ARB2A: variants seen among roughly 807,000 people sequenced by gnomAD.
The protein encoded by ARB2A is ARB2 cotranscriptional regulator A.
chr5:93,697,573 G>A, the ARB2A span, among the ~76,000 whole-genome samples: 37 of 151,658 alleles, frequency 2.4e-4, no homozygotes, highest in Non-Finnish European at 4.0e-4. Context: ...TATGATGCCC[G>A]CATAATGAAT....
chr5:93,938,495 T>C, the ARB2A span, among the ~76,000 whole-genome samples: 1 of 152,224 alleles, frequency 6.6e-6, no homozygotes, highest in African/African-American at 2.4e-5. Flanking sequence ...TATTGTTTAG[T>C]GCTTCCTACA....
chr5:94,017,567 A>G, the ARB2A span, among the ~76,000 whole-genome samples: 2 of 152,350 alleles, frequency 1.3e-5, no homozygotes, highest in South Asian at 2.1e-4. Flanking sequence ...CAAGAAACAC[A>G]TAAGTTTGCC....
chr5:93,763,090 A>T, the ARB2A span, among the ~76,000 whole-genome samples: 22 of 152,178 alleles, frequency 1.4e-4, no homozygotes, highest in African/African-American at 5.1e-4. Context: ...CACTGCAAAA[A>T]CATGCCAAAT....
chr5:93,650,106 A>G, the ARB2A span, among the ~76,000 whole-genome samples: 1 of 152,098 alleles, frequency 6.6e-6, no homozygotes, highest in Non-Finnish European at 1.5e-5. Flanking sequence ...AAAAATTGAA[A>G]TCACCAATAA....
At chr5:93,788,508 C>A in the ARB2A span, among the ~76,000 whole-genome samples, 1 of 152,202 alleles carries the variant, frequency 6.6e-6, no homozygotes, top group Admixed American at 6.5e-5. Context: ...AAATGATGTA[C>A]CTGCCTACTG....
the ARB2A span, among the ~76,000 whole-genome samples, chr5:93,765,616 C>T: frequency 3.3e-5 from 5 of 152,162 alleles, no homozygotes; most frequent in Admixed American, 1.3e-4. Context: ...AATGGCCATA[C>T]AGCCCAAGGT....
the ARB2A span, among the ~76,000 whole-genome samples, chr5:94,066,266 G>C: frequency 6.6e-6 from 1 of 151,790 alleles, no homozygotes; most frequent in Non-Finnish European, 1.5e-5. Flanking sequence ...ATAATCTAAG[G>C]ATGCACCTCA....
chr5:94,007,744 C>T, the ARB2A span, among the ~76,000 whole-genome samples: 61 of 148,578 alleles, frequency 4.1e-4, no homozygotes, highest in African/African-American at 1.5e-3. Flanking sequence ...CACTGCACTC[C>T]AGCCTGAGTG....
chr5:93,707,165 G>C, the ARB2A span, among the ~76,000 whole-genome samples: 1 of 152,128 alleles, frequency 6.6e-6, no homozygotes, highest in African/African-American at 2.4e-5. Context: ...TTCATTGGGA[G>C]GCTGAACAAG....
At chr5:94,088,984 G>C in the ARB2A span, among the ~76,000 whole-genome samples, 1 of 152,208 alleles carries the variant, frequency 6.6e-6, no homozygotes, top group Admixed American at 6.5e-5. Flanking sequence ...TCAACATGAT[G>C]TAAAAATGGA....
At chr5:94,102,842 G>A in the ARB2A span, among the ~76,000 whole-genome samples, 1 of 152,070 alleles carries the variant, frequency 6.6e-6, no homozygotes, top group Admixed American at 6.6e-5. Context: ...CTACAAGCCA[G>A]AAAAGACTGG....
chr5:93,743,628 A>T, the ARB2A span: 1 of 796,648 alleles, frequency 1.3e-6, no homozygotes, highest in Non-Finnish European at 1.5e-6. Context: ...AGAAAGCAAT[A>T]TATATGCTAA....
chr5:93,710,203 G>T, the ARB2A span, among the ~76,000 whole-genome samples: 2 of 152,186 alleles, frequency 1.3e-5, no homozygotes, highest in Non-Finnish European at 2.9e-5. Context: ...TAGCCTATGG[G>T]CCCGATATAA....
the ARB2A span, among the ~76,000 whole-genome samples, chr5:93,692,027 A>G: frequency 6.6e-6 from 1 of 152,228 alleles, no homozygotes; most frequent in Non-Finnish European, 1.5e-5. Flanking sequence ...TGAAGGAAGC[A>G]CTAAATATGG....
At chr5:93,772,453 T>G in the ARB2A span, among the ~76,000 whole-genome samples, 1 of 151,886 alleles carries the variant, frequency 6.6e-6, no homozygotes, top group Admixed American at 6.6e-5. Flanking sequence ...ACTTAAAGTA[T>G]AATAATAATA....
At chr5:93,994,989 T>C in the ARB2A span, among the ~76,000 whole-genome samples, 1 of 152,072 alleles carries the variant, frequency 6.6e-6, no homozygotes, top group Non-Finnish European at 1.5e-5. Context: ...ATTTTTATCA[T>C]TTACTACCAT....
At chr5:94,011,442 G>T in the ARB2A span, among the ~76,000 whole-genome samples, 3 of 152,052 alleles carry the variant, frequency 2.0e-5, no homozygotes, top group African/African-American at 4.8e-5. Context: ...AGGGATGTTT[G>T]TATGTTTTGT....
At chr5:93,637,354 GT>G in the ARB2A span, among the ~76,000 whole-genome samples, 388 of 116,090 alleles carry the variant, frequency 3.3e-3, 1 homozygote, top group African/African-American at 9.6e-3. Flanking sequence ...GGGTTGTTTA[GT>G]TTTTTTTTTT....
At chr5:93,957,680 C>T in the ARB2A span, among the ~76,000 whole-genome samples, 1 of 151,982 alleles carries the variant, frequency 6.6e-6, no homozygotes, top group Middle Eastern at 3.2e-3. Flanking sequence ...CTACTTTTAG[C>T]ATTTTAAGGG....
Sources: allele counts gnomAD v4.1 joint callset (sites outside exome capture counted in the v4.1 genomes callset), GRCh38; gene constraint gnomAD v4.1.1; transcripts MANE v1.5; gene names NCBI Gene and HGNC (gene_info 2026-07-23, HGNC 2026-07-21).